SSBP2: variants seen among roughly 807,000 people sequenced by gnomAD.
SSBP2 encodes single-stranded DNA-binding protein 2.
SSBP2 carries 17 observed loss-of-function variants against 61.8 expected under a neutral mutation model. The ratio of observed to expected loss-of-function variants is 0.28; its 90% CI spans 0.19 to 0.41. The LOEUF is 0.41. Ranked by LOEUF, SSBP2 falls within the 10% of genes least tolerant of loss-of-function variation. SSBP2 has a pLI of 1.00. For synonymous variants in SSBP2, 139 were observed against 141.3 expected (o/e 0.98, Z 0.12); for missense variants, 310 against 458.7 (o/e 0.68, Z 2.96).
chr5:81,526,622 T>C (rs937393952), intron 4 of SSBP2, among the ~76,000 whole-genome samples: 3 of 152,042 alleles, frequency 2.0e-5, no homozygotes, highest in Non-Finnish European at 2.9e-5. Context: ...AAAAATGATA[T>C]AATTGAGATG....
chr5:81,448,802 A>G lies in SSBP2; in HGVS notation c.711T>C (p.Pro237=). 1 of 1,613,126 alleles carries G rather than the reference A, an allele frequency of 6.2e-7. No homozygotes were observed. Among genetic ancestry groups the G allele is most frequent in the Non-Finnish European group, 8.5e-7 (1 of 1,179,606 alleles). ...CAAATGTACTTACTACATAATTCCCAGGAGATGCTGAGGAGTATGGTATCT... is the reference window on the plus strand; with the variant it reads ...CAAATGTACTTACTACATAATTCCCGGGAGATGCTGAGGAGTATGGTATCT... Residue 237 remains proline (P), a synonymous_variant, in exon 11 of 17, where the codon CCT becomes CCC. Transcript: ENST00000320672.
intron 3 of SSBP2, among the ~76,000 whole-genome samples, chr5:81,619,638 G>A (rs1206615336): frequency 7.4e-6 from 1 of 134,576 alleles, no homozygotes; most frequent in Non-Finnish European, 1.6e-5. Context: ...AAGCCGGGCA[G>A]AGACACAACC....
chr5:81,431,154 T>C (rs1311563654), intron 15 of SSBP2, among the ~76,000 whole-genome samples: 3 of 152,168 alleles, frequency 2.0e-5, no homozygotes, highest in Non-Finnish European at 2.9e-5. Flanking sequence ...GTGTATTATG[T>C]CCAGTAGGTT....
intron 1 of SSBP2, among the ~76,000 whole-genome samples, chr5:81,703,271 A>G (rs1172661837): frequency 6.6e-6 from 1 of 152,232 alleles, no homozygotes; most frequent in African/African-American, 2.4e-5. Flanking sequence ...GAAGATATTC[A>G]GCCATGAATA....
At chr5:81,640,041 G>A (rs764751297) in intron 2 of SSBP2, among the ~76,000 whole-genome samples, 2 of 152,120 alleles carry the variant, frequency 1.3e-5, no homozygotes, top group African/African-American at 2.4e-5. Flanking sequence ...CAAAAAATAA[G>A]AGAAATTTTT....
At chr5:81,501,555 TTTC>T (rs1161205825) in intron 5 of SSBP2, among the ~76,000 whole-genome samples, 12 of 139,530 alleles carry the variant, frequency 8.6e-5, no homozygotes, top group East Asian at 7.9e-4. Context: ...CTTTTCTTTC[TTTC>T]TTTTCTTTTT....
At chr5:81,440,763 T>C in intron 13 of SSBP2, 127 bp from the exon 14 acceptor site, 1 of 648,516 alleles carries the variant, frequency 1.5e-6, no homozygotes, top group South Asian at 2.2e-5. Flanking sequence ...ATGGAGATCT[T>C]TTACTTGATG....
rs367573075 is a variant in SSBP2 at position 81,698,644 on chromosome 5, T to A, written c.63-48305A>T. On this transcript the variant is annotated intron_variant, in intron 1 of 16. Transcript: ENST00000320672. ...CTGGCCAACAAGGTAAAACCCTGTC[T>A]CTACTAAAAATACAAAAATTAACTG... is the stretch of plus-strand genomic sequence containing the variant. Among the ~76,000 whole-genome samples, 10 of 152,234 alleles carry A rather than the reference T, an allele frequency of 6.6e-5. No homozygotes were observed. In the East Asian group the frequency reaches 1.7e-3, roughly 26 times the overall value.
At chr5:81,565,222 T>C (rs1187059855) in intron 4 of SSBP2, among the ~76,000 whole-genome samples, 1 of 152,174 alleles carries the variant, frequency 6.6e-6, no homozygotes, top group Non-Finnish European at 1.5e-5. Context: ...GAGCACAATA[T>C]CTGAAATTAA....
intron 4 of SSBP2, among the ~76,000 whole-genome samples, chr5:81,607,554 T>C (rs988391345): frequency 6.6e-6 from 1 of 152,154 alleles, no homozygotes; most frequent in African/African-American, 2.4e-5. Context: ...TGCTAAAACA[T>C]AGCTACATTG....
intron 1 of SSBP2, among the ~76,000 whole-genome samples, chr5:81,658,020 T>C (rs1361707445): frequency 1.3e-5 from 2 of 152,126 alleles, no homozygotes; most frequent in Non-Finnish European, 2.9e-5. Context: ...AATTAACATA[T>C]CCATTGCCTC....
At chr5:81,627,359 G>A (rs771068677) in intron 3 of SSBP2, among the ~76,000 whole-genome samples, 13 of 151,690 alleles carry the variant, frequency 8.6e-5, no homozygotes, top group Admixed American at 1.3e-4. Context: ...TTCTAGCCCC[G>A]TTGTCACCTA....
At chr5:81,442,817 CCT>C in intron 12 of SSBP2, 94 bp from the exon 13 acceptor site, 4 of 597,616 alleles carry the variant, frequency 6.7e-6, no homozygotes, top group African/African-American at 2.0e-5. Context: ...CATACAGATA[CCT>C]CTCTCTATAT....
intron 1 of SSBP2, among the ~76,000 whole-genome samples, chr5:81,733,043 T>G (rs1351757190): frequency 6.6e-6 from 1 of 152,240 alleles, no homozygotes; most frequent in South Asian, 2.1e-4. Flanking sequence ...GACCCTCCAA[T>G]TTGGGTAACT....
At chr5:81,696,412 G>GA (rs1450679211) in intron 1 of SSBP2, among the ~76,000 whole-genome samples, 2 of 152,100 alleles carry the variant, frequency 1.3e-5, no homozygotes, top group Non-Finnish European at 2.9e-5. Context: ...CGTAAAGGAA[G>GA]AAATTCCCTC....
intron 4 of SSBP2, among the ~76,000 whole-genome samples, chr5:81,536,070 T>C (rs1459052736): frequency 6.6e-6 from 1 of 152,160 alleles, no homozygotes; most frequent in Admixed American, 6.5e-5. Context: ...CCAATAAAAA[T>C]GGACCAAAGA....
chr5:81,482,191 G>A (rs974797987), intron 6 of SSBP2, among the ~76,000 whole-genome samples: 4 of 152,046 alleles, frequency 2.6e-5, no homozygotes, highest in African/African-American at 9.7e-5. Flanking sequence ...TTATCCATGT[G>A]CCTCAGCCTC....
At chr5:81,718,182 T>G (rs916673275) in intron 1 of SSBP2, among the ~76,000 whole-genome samples, 3 of 151,872 alleles carry the variant, frequency 2.0e-5, no homozygotes, top group African/African-American at 7.3e-5. Context: ...AACAACACAT[T>G]ATGCGCAGGG....
chr5:81,504,077 C>T (rs1767997429), intron 5 of SSBP2, among the ~76,000 whole-genome samples: 1 of 152,010 alleles, frequency 6.6e-6, no homozygotes, highest in South Asian at 2.1e-4. Flanking sequence ...TACAACAAAC[C>T]CCCGTGACAC....
Sources: gnomAD v4.1 joint callset for allele counts (sites outside exome capture counted in the v4.1 genomes callset) on GRCh38, gnomAD v4.1.1 for gene constraint, MANE v1.5 for transcripts, NCBI Gene and HGNC (gene_info 2026-07-23, HGNC 2026-07-21) for gene names.